The following NOX5 variants were observed in gnomAD, a reference collection of about 807,000 sequenced individuals.
NOX5 encodes the protein NADPH oxidase, EF-hand calcium binding domain 5.
NOX5 carries 76 observed loss-of-function variants against 85.7 expected under a neutral mutation model. That is an observed-to-expected ratio of 0.89 (90% CI 0.74 to 1.07). The LOEUF (loss-of-function observed/expected upper bound fraction) is 1.07. NOX5 is among the 50% of genes least tolerant of loss of function. NOX5 has a pLI of 0.00. For missense variants in NOX5, 973 were observed against 999.5 expected (o/e 0.97, Z 0.36); for synonymous variants, 405 against 401.4 (o/e 1.01, Z -0.11).
At position 69,028,361 on chromosome 15, in the gene NOX5, C is replaced by G; in HGVS notation, c.321C>G (p.Ile107Met). The change falls in exon 3 of 16, where the codon ATC becomes ATG. Residue 107 changes from isoleucine to methionine, a missense_variant. Physicochemically the swap from Ile to Met is conservative, Grantham distance 10. Transcript: ENST00000388866. ...AATTCCTCTTCCAGGTGTATGACAT[C>G]GATGGTAAGGGCTCTTCCTGGGTGT... ...KLKFLFQVYDIDVCARQGASA... is the reference protein window; with the variant it reads ...KLKFLFQVYDMDVCARQGASA... 6.3e-7 allele frequency: 1 copy of G among 1,599,136 alleles called. No individual in the cohort carries two copies. The highest frequency in any genetic ancestry group is 8.5e-7 in the Non-Finnish European group (1 of 1,171,916).
intron 11 of NOX5, chr15:69,047,163 C>A (rs2140276378): frequency 3.5e-6 from 2 of 578,394 alleles, no homozygotes; most frequent in South Asian, 5.4e-5. Flanking sequence ...GCACACACCC[C>A]AGGGATGCGA....
intron 3 of NOX5, 169 bp from the exon 4 acceptor site, chr15:69,031,349 C>A: frequency 1.5e-6 from 1 of 679,044 alleles, no homozygotes; most frequent in Non-Finnish European, 2.4e-6. Flanking sequence ...AGATTCTCCA[C>A]CCGTGGGGAG....
At chr15:69,034,149 C>G (rs1007877659) in intron 5 of NOX5, among the ~76,000 whole-genome samples, 2 of 152,172 alleles carry the variant, frequency 1.3e-5, no homozygotes, top group Non-Finnish European at 2.9e-5. Context: ...ATCTCTAGCT[C>G]AGATACGCTT....
intron 5 of NOX5, among the ~76,000 whole-genome samples, chr15:69,035,069 A>G (rs1400153827): frequency 6.6e-6 from 1 of 152,156 alleles, no homozygotes; most frequent in African/African-American, 2.4e-5. Flanking sequence ...CCTGGCCCAT[A>G]TATTAAATAT....
chr15:69,039,744 GCA>G (rs767635682), intron 9 of NOX5, among the ~76,000 whole-genome samples: 6 of 152,200 alleles, frequency 3.9e-5, no homozygotes, highest in Non-Finnish European at 8.8e-5. Context: ...TGGGTTCCCA[GCA>G]CACACAGAAC....
In NOX5 at chr15:69,026,596, GAGA is replaced by G; in HGVS notation, c.123_125del (p.Glu41del). 6.2e-7 allele frequency: 1 copy of G among 1,614,222 alleles called. No homozygotes were observed. The highest frequency in any genetic ancestry group is 8.5e-7 in the Non-Finnish European group (1 of 1,180,032). On this transcript the variant is annotated inframe_deletion, in exon 2 of 16. Transcript: ENST00000388866. ...ACTCAGCAGTTTAAGACCATTGCAG[GAGA>G]AGATGGGGAGATCAGCCTGCAAGAA...
rs778829064 is a variant in NOX5, at chr15:69,020,627, A to AAT, written c.50+5854_50+5855dup. ...GATGGTAAAGATGTAAATAAATATG[A>AAT]ATATATATATATAGATATCAATTTT... On this transcript the variant is annotated intron_variant, in intron 1 of 15. Transcript: ENST00000388866. Among the ~76,000 whole-genome samples the AAT allele has an allele frequency of 9.5e-4, 143 of 151,048 alleles. 2 individuals are homozygous for AAT. In the East Asian group the frequency reaches 0.02, roughly 22 times the overall value.
chr15:69,045,536 T>TTTTCTTTCTTTCTTTCTTTCTTTC (rs11389610), intron 10 of NOX5, among the ~76,000 whole-genome samples: 13,019 of 94,348 alleles, frequency 0.14, 1,381 homozygotes, highest in African/African-American at 0.16. Context: ...TTCCTTTCTT[T>TTTTCTTTCTTTCTTTCTTTCTTTC]TTTCTTTCTT....
chr15:69,027,370 G>A (rs887341669), intron 2 of NOX5, among the ~76,000 whole-genome samples: 1 of 152,158 alleles, frequency 6.6e-6, no homozygotes, highest in East Asian at 1.9e-4. Flanking sequence ...AAGAGCATTC[G>A]GGATGGTAGA....
intron 1 of NOX5, among the ~76,000 whole-genome samples, chr15:69,015,601 G>T (rs2050221611): frequency 6.6e-6 from 1 of 152,166 alleles, no homozygotes. Flanking sequence ...CAGGTGAAAT[G>T]TGCAGATTCC....
intron 3 of NOX5, chr15:69,028,948 A>T (rs1284373111): frequency 6.6e-6 from 1 of 152,150 alleles, no homozygotes; most frequent in Admixed American, 6.6e-5. Context: ...AAATGTAAAA[A>T]TATATTGCTT....
chr15:69,056,490 A>G, intron 15 of NOX5, 75 bp from the exon 16 acceptor site: 6 of 1,572,428 alleles, frequency 3.8e-6, no homozygotes, highest in South Asian at 2.4e-5. Context: ...TGTTACCTCC[A>G]GGTGGTTGTG....
At chr15:69,049,265 C>T (rs7163391) in intron 14 of NOX5, among the ~76,000 whole-genome samples, 9,570 of 149,858 alleles carry the variant, frequency 0.064, 500 homozygotes, top group East Asian at 0.22. Context: ...GATTATGGCT[C>T]GCTGCAGCCT....
At chr15:69,055,615 A>G (rs1285419208) in intron 15 of NOX5, 115 bp downstream of exon 15, 1 of 1,169,354 alleles carries the variant, frequency 8.6e-7, no homozygotes, top group Non-Finnish European at 1.2e-6. Context: ...TTAAGTCCAG[A>G]GTCCAGAAGG....
chr15:69,026,164 A>G (rs2050355008), intron 1 of NOX5, among the ~76,000 whole-genome samples: 1 of 152,254 alleles, frequency 6.6e-6, no homozygotes, highest in Non-Finnish European at 1.5e-5. Flanking sequence ...AAAGCAGTAA[A>G]GATCTGTGTA....
chr15:69,035,696 G>A (rs1595779000), intron 6 of NOX5, 62 bp from the exon 7 acceptor site: 3 of 1,587,086 alleles, frequency 1.9e-6, no homozygotes, highest in Non-Finnish European at 2.6e-6. Context: ...GGATCCCAAT[G>A]GGAAGGTGGA....
In NOX5 at chr15:69,060,730, A is replaced by T. The variant is rs1403168562; in HGVS notation, c.*4034A>T. 6.6e-6 allele frequency: 1 copy of T among 152,256 alleles called. No homozygotes were observed. Among genetic ancestry groups the T allele is most frequent in the African/African-American group, 2.4e-5 (1 of 41,470 alleles). 9.4% of individuals were successfully genotyped at this position (152,256 alleles called of 1,614,324 possible). The stretch of plus-strand genomic sequence containing the variant: ...AGAAAAAACAAGTACCAAGTGTTTG[A>T]TATAATCCTATTTATAACACAGAAA... On this transcript the variant is annotated 3_prime_UTR_variant, in exon 16 of 16. Transcript: ENST00000388866.
In NOX5 at chr15:69,035,938, T is replaced by C. The variant is rs1595779321; in HGVS notation, c.1188+2T>C. 6.2e-7 allele frequency: 1 copy of C among 1,613,866 alleles called. No homozygotes were observed. The highest frequency in any genetic ancestry group is 8.5e-7 in the Non-Finnish European group (1 of 1,179,788). On this transcript the variant is annotated splice_donor_variant, in intron 7 of 15. Transcript: ENST00000388866. LOFTEE classifies it high-confidence loss of function. ...ATCCGCAGGAGTGGCCACTTTGAGG[T>C]GCCCCAGTTGCTGCCCTTTTGCTTC... is the stretch of plus-strand genomic sequence containing the variant.
At chr15:69,022,248 G>C (rs547971580) in intron 1 of NOX5, 4 of 203,688 alleles carry the variant, frequency 2.0e-5, no homozygotes, top group African/African-American at 9.3e-5. Flanking sequence ...CAATAATGTC[G>C]AAGTTTTTAT....
Sources: gnomAD v4.1 joint callset for allele counts (sites outside exome capture counted in the v4.1 genomes callset) on GRCh38, gnomAD v4.1.1 for gene constraint, MANE v1.5 for transcripts, NCBI Gene and HGNC (gene_info 2026-07-23, HGNC 2026-07-21) for gene names.